The following TMEM108 variants were observed in gnomAD, a reference collection of about 807,000 sequenced individuals.
TMEM108 encodes transmembrane protein 108.
A neutral mutation model predicts 35.1 loss-of-function variants in TMEM108; 12 were observed. The observed-to-expected ratio is 0.34, with a 90% CI of 0.22 to 0.55. TMEM108 has a LOEUF of 0.55. TMEM108 is among the 20% of genes least tolerant of loss of function. The probability of loss-of-function intolerance (pLI) is 0.89; values close to 1 mark genes in which losing one functional copy is unlikely to be tolerated. For missense variants in TMEM108, 680 were observed against 753.3 expected (o/e 0.90, Z 1.14); for synonymous variants, 287 against 308.6 (o/e 0.93, Z 0.73).
chr3:133,115,334 T>C (rs189843091), intron 2 of TMEM108, among the ~76,000 whole-genome samples: 1 of 152,338 alleles, frequency 6.6e-6, no homozygotes, highest in East Asian at 1.9e-4. Flanking sequence ...ATAATATTAA[T>C]AGCAGCAGCT....
chr3:133,141,301 G>C (rs967232223), intron 2 of TMEM108, among the ~76,000 whole-genome samples: 2 of 152,098 alleles, frequency 1.3e-5, no homozygotes, highest in Non-Finnish European at 2.9e-5. Context: ...AGCTTGCTGA[G>C]AGCCAGAGAT....
chr3:133,255,841 T>C (rs1158256721), intron 3 of TMEM108, among the ~76,000 whole-genome samples: 2 of 151,932 alleles, frequency 1.3e-5, no homozygotes, highest in African/African-American at 4.8e-5. Flanking sequence ...ATATAAAAAT[T>C]AGACAGGCAT....
intron 3 of TMEM108, among the ~76,000 whole-genome samples, chr3:133,316,855 C>A (rs190453230): frequency 6.6e-6 from 1 of 152,326 alleles, no homozygotes; most frequent in African/African-American, 2.4e-5. Context: ...AAAGGCCAGA[C>A]AGACCGTCTA....
chr3:133,330,116 A>G (rs1032771002), intron 3 of TMEM108, among the ~76,000 whole-genome samples: 1 of 152,202 alleles, frequency 6.6e-6, no homozygotes, highest in African/African-American at 2.4e-5. Flanking sequence ...CTACCCTGAA[A>G]TGTGCTAGAT....
rs912342869 is a variant in TMEM108 at position 133,353,459 on chromosome 3, T to G, written c.41-26293T>G. Among the ~76,000 whole-genome samples the G allele has an allele frequency of 2.6e-5, 4 of 152,332 alleles. No individual in the cohort carries two copies. In the East Asian group the frequency reaches 7.7e-4, roughly 29 times the overall value. On this transcript the variant is annotated intron_variant, in intron 3 of 5. Transcript: ENST00000321871. The stretch of plus-strand genomic sequence containing the variant: ...GCAGTGGCAGAGCAAGAATCCAGTG[T>G]GACTTCATATTACCATAAACGTCTT...
chr3:133,049,050 A>G (rs1356541542), intron 2 of TMEM108, among the ~76,000 whole-genome samples: 1 of 152,230 alleles, frequency 6.6e-6, no homozygotes, highest in Admixed American at 6.5e-5. Context: ...GATGGATGCT[A>G]AAATTTGAGA....
intron 2 of TMEM108, among the ~76,000 whole-genome samples, chr3:133,201,084 T>C (rs981387397): frequency 6.6e-6 from 1 of 152,168 alleles, no homozygotes; most frequent in African/African-American, 2.4e-5. Context: ...GTACAAAGGA[T>C]ACTGCAGCAG....
intron 3 of TMEM108, among the ~76,000 whole-genome samples, chr3:133,313,871 G>A (rs2071164743): frequency 6.6e-6 from 1 of 152,020 alleles, no homozygotes; most frequent in Non-Finnish European, 1.5e-5. Context: ...TGTGAAGAGA[G>A]CATTTATAAT....
chr3:133,317,506 A>G (rs972661671), intron 3 of TMEM108, among the ~76,000 whole-genome samples: 2 of 152,230 alleles, frequency 1.3e-5, no homozygotes, highest in Non-Finnish European at 2.9e-5. Context: ...GGCTTACAGA[A>G]TAACAGACTG....
intron 3 of TMEM108, among the ~76,000 whole-genome samples, chr3:133,309,572 C>A (rs2071093249): frequency 6.6e-6 from 1 of 150,960 alleles, no homozygotes; most frequent in Non-Finnish European, 1.5e-5. Flanking sequence ...TCTTTGTTCT[C>A]ATTGGTTTCA....
intron 2 of TMEM108, among the ~76,000 whole-genome samples, chr3:133,131,664 G>A (rs747084117): frequency 1.3e-5 from 2 of 151,018 alleles, no homozygotes; most frequent in South Asian, 2.1e-4. Flanking sequence ...TATTAAATTC[G>A]ACCAATTAAT....
chr3:133,234,835 T>C (rs1946209768), intron 3 of TMEM108, among the ~76,000 whole-genome samples: 1 of 152,182 alleles, frequency 6.6e-6, no homozygotes, highest in Admixed American at 6.5e-5. Flanking sequence ...ACGACATGAT[T>C]GTATATCTAG....
At chr3:133,117,620 C>CTAAGGTG (rs1306172764) in intron 2 of TMEM108, among the ~76,000 whole-genome samples, 3 of 152,174 alleles carry the variant, frequency 2.0e-5, no homozygotes, top group Admixed American at 1.3e-4. Flanking sequence ...TTCACTTCTG[C>CTAAGGTG]TAAGGTGTGA....
chr3:133,381,109 G>A lies in TMEM108; in HGVS notation c.1398G>A (p.Lys466=). 1 of 1,613,470 alleles carries A rather than the reference G, an allele frequency of 6.2e-7. No homozygotes were observed. Among genetic ancestry groups the A allele is most frequent in the Non-Finnish European group, 8.5e-7 (1 of 1,179,514 alleles). ...ACAGAGCCACCATCTGCCTGAGCAA[G>A]ATGGATATCGCCTGGGTGATCCTGG... ...PQHRATICLS[K]MDIAWVILAI... The change falls in exon 4 of 6, where the codon AAG becomes AAA. Residue 466 remains lysine (K), a synonymous_variant. Coordinates refer to ENST00000321871, the MANE Select transcript of TMEM108 (RefSeq NM_023943.4).
At chr3:133,048,093 A>G (rs903466892) in intron 2 of TMEM108, among the ~76,000 whole-genome samples, 1 of 152,158 alleles carries the variant, frequency 6.6e-6, no homozygotes, top group Non-Finnish European at 1.5e-5. Flanking sequence ...TCCTTTGCAA[A>G]GTTAAAAAAA....
chr3:133,241,724 T>G (rs1011879021), intron 3 of TMEM108, among the ~76,000 whole-genome samples: 1 of 148,980 alleles, frequency 6.7e-6, no homozygotes, highest in African/African-American at 2.5e-5. Context: ...CAAGTGATTC[T>G]CCTGGTCAGC....
At chr3:133,071,047 A>G (rs1438214473) in intron 2 of TMEM108, among the ~76,000 whole-genome samples, 1 of 152,098 alleles carries the variant, frequency 6.6e-6, no homozygotes, top group African/African-American at 2.4e-5. Flanking sequence ...ATATTGTACA[A>G]TGCCTGGTGT....
chr3:133,192,844 C>G (rs1945519871), intron 2 of TMEM108: 1 of 152,148 alleles, frequency 6.6e-6, no homozygotes, highest in Non-Finnish European at 1.5e-5. Context: ...TCGGGCAATG[C>G]TGAGGAAACT....
chr3:133,177,357 A>C (rs1576363733), intron 2 of TMEM108, among the ~76,000 whole-genome samples: 2 of 152,338 alleles, frequency 1.3e-5, no homozygotes. Context: ...GCAGAGACAC[A>C]ACAAAAAAAG....
Sources: gnomAD v4.1 joint callset for allele counts (sites outside exome capture counted in the v4.1 genomes callset) on GRCh38, gnomAD v4.1.1 for gene constraint, MANE v1.5 for transcripts, NCBI Gene and HGNC (gene_info 2026-07-23, HGNC 2026-07-21) for gene names.